MMP26: variants seen among roughly 807,000 people sequenced by gnomAD.
MMP26 encodes matrix metallopeptidase 26.
MMP26 carries 33 observed loss-of-function variants against 31.0 expected under a neutral mutation model. The ratio of observed to expected loss-of-function variants is 1.06; its 90% CI spans 0.81 to 1.42. MMP26 has a LOEUF of 1.42. MMP26 is among the 40% of genes most tolerant of loss of function. MMP26 has a pLI of 0.00. For synonymous variants in MMP26, 122 were observed against 114.9 expected (o/e 1.06, Z -0.40); for missense variants, 347 against 316.1 (o/e 1.10, Z -0.74).
chr11:4,930,146 C>G (rs1017663898), intron 2 of MMP26, among the ~76,000 whole-genome samples: 4 of 151,984 alleles, frequency 2.6e-5, no homozygotes, highest in Non-Finnish European at 4.4e-5. Context: ...ATAAAAACAT[C>G]ACTATTAAAG....
chr11:4,990,830 C>T, intron 5 of MMP26, 84 bp downstream of exon 5: 2 of 1,403,252 alleles, frequency 1.4e-6, no homozygotes, highest in South Asian at 3.3e-5. Flanking sequence ...AAAACCTAGC[C>T]CCCCTATTAA....
chr11:4,814,924 C>T (rs1849400644), intron 2 of MMP26, among the ~76,000 whole-genome samples: 1 of 152,188 alleles, frequency 6.6e-6, no homozygotes, highest in South Asian at 2.1e-4. Flanking sequence ...GGCACAGCTT[C>T]AGGAGGTCCT....
intron 2 of MMP26, among the ~76,000 whole-genome samples, chr11:4,791,489 C>CCCTA (rs993018158): frequency 6.6e-6 from 1 of 152,246 alleles, no homozygotes; most frequent in African/African-American, 2.4e-5. Context: ...CCACTGTGTA[C>CCCTA]CCTAGGTCTA....
intron 2 of MMP26, among the ~76,000 whole-genome samples, chr11:4,890,954 C>T (rs1377106541): frequency 1.4e-5 from 2 of 147,792 alleles, no homozygotes; most frequent in African/African-American, 5.0e-5. Flanking sequence ...TATAGGACCC[C>T]CTTCCCTGAT....
intron 2 of MMP26, chr11:4,914,334 T>G: frequency 1.8e-5 from 3 of 163,662 alleles, no homozygotes; most frequent in Admixed American, 5.9e-5. Context: ...GGAATGGAGG[T>G]GGAAGAGAGA....
chr11:4,986,905 TTCTC>T (rs71050445), intron 2 of MMP26, among the ~76,000 whole-genome samples: 10 of 48,670 alleles, frequency 2.1e-4, no homozygotes, highest in African/African-American at 5.9e-4. Flanking sequence ...CTTCCTTCCT[TTCTC>T]TCTCTCTCTC....
rs1477356358 is a variant in MMP26 at position 4,948,423 on chromosome 11, A to G, written c.-144-39645A>G. ...TAAGATCACAGAAGTGTTGTAGGGT[A>G]GAGGTAAGATAGCAACTCAGGTCTG... On this transcript the variant is annotated intron_variant, in intron 2 of 7. Coordinates refer to ENST00000380390, the MANE Select transcript of MMP26 (RefSeq NM_021801.5). 1.6e-5 allele frequency among the ~76,000 whole-genome samples: 2 copies of G among 124,650 alleles called. 1 individual carries two copies. The highest frequency in any genetic ancestry group is 3.6e-5 in the Non-Finnish European group (2 of 54,976). The allele number at this position is 124,650 out of a possible 152,430, so 81.8% of individuals were successfully genotyped here. A position where few individuals can be genotyped will look rare whatever the true frequency, so the allele number is the denominator to read the frequency against.
intron 1 of MMP26, among the ~76,000 whole-genome samples, chr11:4,728,256 A>G (rs773849374): frequency 3.3e-5 from 5 of 152,234 alleles, no homozygotes; most frequent in Non-Finnish European, 7.3e-5. Context: ...CCAAGAAGAA[A>G]TTAAAACTTA....
intron 2 of MMP26, among the ~76,000 whole-genome samples, chr11:4,871,324 G>A (rs1850307421): frequency 6.6e-6 from 1 of 152,112 alleles, no homozygotes; most frequent in Admixed American, 6.6e-5. Context: ...ACAGAAAAGA[G>A]AATGGGACAA....
intron 2 of MMP26, chr11:4,945,507 A>C (rs1235720438): frequency 1.3e-5 from 2 of 153,566 alleles, no homozygotes; most frequent in Non-Finnish European, 2.9e-5. Context: ...AGACACTTAC[A>C]CATTCAATTT....
At chr11:4,969,317 T>C (rs1846635765) in intron 2 of MMP26, among the ~76,000 whole-genome samples, 1 of 151,978 alleles carries the variant, frequency 6.6e-6, no homozygotes, top group African/African-American at 2.4e-5. Flanking sequence ...AAACTTAAAC[T>C]TATGCTTAGT....
At chr11:4,960,049 G>A (rs1258581482) in intron 2 of MMP26, among the ~76,000 whole-genome samples, 1 of 14,938 alleles carries the variant, frequency 6.7e-5, no homozygotes, top group African/African-American at 2.8e-4. Context: ...CCCCCACCCA[G>A]GAGAATGCCT....
chr11:4,763,597 G>C (rs1003592824), intron 1 of MMP26, among the ~76,000 whole-genome samples: 1 of 152,182 alleles, frequency 6.6e-6, no homozygotes, highest in Non-Finnish European at 1.5e-5. Flanking sequence ...TACTTCATGA[G>C]AGTACATGCC....
chr11:4,882,978 A>T, intron 2 of MMP26: 1 of 947,448 alleles, frequency 1.1e-6, no homozygotes, highest in Non-Finnish European at 1.6e-6. Flanking sequence ...AGTCAATTCC[A>T]ATTGAATTTT....
chr11:4,817,917 A>G (rs964432150), intron 2 of MMP26, among the ~76,000 whole-genome samples: 1 of 152,106 alleles, frequency 6.6e-6, no homozygotes, highest in African/African-American at 2.4e-5. Flanking sequence ...CTCTGTTGGG[A>G]GCCAGGTAAG....
intron 2 of MMP26, among the ~76,000 whole-genome samples, chr11:4,809,610 A>G (rs1230010282): frequency 1.3e-5 from 2 of 152,218 alleles, no homozygotes; most frequent in African/African-American, 2.4e-5. Flanking sequence ...GGTATCTGAA[A>G]ATAAGGCATA....
chr11:4,740,681 CAAAA>C (rs761691284), intron 1 of MMP26, among the ~76,000 whole-genome samples: 3 of 90,384 alleles, frequency 3.3e-5, no homozygotes, highest in Admixed American at 1.3e-4. Flanking sequence ...GAGACTCTGT[CAAAA>C]AAAAAAAAAA....
At chr11:4,722,731 C>A in intron 1 of MMP26, 1 of 870,076 alleles carries the variant, frequency 1.1e-6, no homozygotes, top group Non-Finnish European at 1.9e-6. Flanking sequence ...GCTGCCACAG[C>A]TGTTCACTTG....
chr11:4,946,204 C>A (rs113451682), intron 2 of MMP26: 8 of 1,613,992 alleles, frequency 5.0e-6, no homozygotes, highest in African/African-American at 1.3e-5. Context: ...TCACTCTAAT[C>A]TGTTTAGTTT....
Sources: allele counts gnomAD v4.1 joint callset (sites outside exome capture counted in the v4.1 genomes callset), GRCh38; gene constraint gnomAD v4.1.1; transcripts MANE v1.5; gene names NCBI Gene and HGNC (gene_info 2026-07-23, HGNC 2026-07-21).